CEACAM18: variants seen among roughly 807,000 people sequenced by gnomAD.
CEACAM18 encodes the protein CEA cell adhesion molecule 18.
Under a neutral mutation model 34.3 loss-of-function variants are expected in CEACAM18, and 33 were observed. The observed-to-expected ratio is 0.96, with a 90% CI of 0.73 to 1.29. The LOEUF (loss-of-function observed/expected upper bound fraction) is 1.29. Among genes scored for constraint, CEACAM18 ranks in the 50% most tolerant of loss-of-function variants. The probability of loss-of-function intolerance (pLI) is 0.00; values close to 1 mark genes in which losing one functional copy is unlikely to be tolerated. For synonymous variants in CEACAM18, 169 were observed against 180.9 expected, an observed-to-expected ratio of 0.93 and a Z score of 0.53; for missense variants, 474 against 485.0, an observed-to-expected ratio of 0.98 and a Z score of 0.21.
At chr19:51,481,342 T>G in intron 2 of CEACAM18, 51 bp from the exon 3 acceptor site, 1 of 1,077,012 alleles carries the variant, frequency 9.3e-7, no homozygotes, top group Non-Finnish European at 1.3e-6. Context: ...GAGCAGAGCT[T>G]GGGGAAGCAG....
At chr19:51,484,821 G>A (rs1315776908) in intron 4 of CEACAM18, 166 bp from the exon 5 acceptor site, 1 of 791,254 alleles carries the variant, frequency 1.3e-6, no homozygotes, top group East Asian at 2.7e-5. Context: ...TGGGTACAGG[G>A]AGTTTGTTTT....
chr19:51,483,246 C>G, exon 4 of CEACAM18: 1 of 1,614,016 alleles, frequency 6.2e-7, no homozygotes, highest in Non-Finnish European at 8.5e-7. Flanking sequence ...TGGAGAACCC[C>G]GTGACACAGC....
At chr19:51,490,843 G>C in exon 6 of CEACAM18, 2 of 388,854 alleles carry the variant, frequency 5.1e-6, no homozygotes, top group Non-Finnish European at 9.1e-6. Flanking sequence ...GGGTAGCGTG[G>C]CCATTGGGCG....
chr19:51,487,256 C>T (rs1043420958), intron 5 of CEACAM18, among the ~76,000 whole-genome samples: 16 of 152,126 alleles, frequency 1.1e-4, no homozygotes, highest in African/African-American at 3.4e-4. Context: ...AAGCAGATTA[C>T]TTGAGCCCAG....
At position 51,478,699 on chromosome 19, in the gene CEACAM18, G is replaced by A; in HGVS notation, c.52+5G>A. ...GGAGGAGGGTCTTCCTCATGGGTAA[G>A]AGATGCTGGATGCTGGATGAGCTTC... On this transcript the variant is annotated splice_donor_5th_base_variant and intron_variant, in intron 1 of 5. Coordinates refer to ENST00000396477, the Ensembl canonical transcript of CEACAM18. 1 of 1,445,578 alleles carries A rather than the reference G, an allele frequency of 6.9e-7. No individual in the cohort carries two copies. The highest frequency in any genetic ancestry group is 1.5e-5 in the South Asian group (1 of 66,078). The allele number at this position is 1,445,578 out of a possible 1,614,324, so 89.5% of individuals were successfully genotyped here. A position where few individuals can be genotyped will look rare whatever the true frequency, so the allele number is the denominator to read the frequency against.
chr19:51,479,719 GAGA>G (rs1173608882), intron 1 of CEACAM18, among the ~76,000 whole-genome samples: 3 of 152,314 alleles, frequency 2.0e-5, no homozygotes, highest in Admixed American at 2.0e-4. Flanking sequence ...GGAGAGGAGG[GAGA>G]AGGAGTCCCT....
At chr19:51,482,971 C>T (rs1479039378) in intron 3 of CEACAM18, 46 bp from the exon 4 acceptor site, 32 of 1,594,480 alleles carry the variant, frequency 2.0e-5, no homozygotes, top group African/African-American at 2.7e-5. Context: ...GACGGGACGC[C>T]GAGGGGTCAG....
At chr19:51,482,086 T>C (rs1989926759) in intron 3 of CEACAM18, among the ~76,000 whole-genome samples, 1 of 152,200 alleles carries the variant, frequency 6.6e-6, no homozygotes, top group Non-Finnish European at 1.5e-5. Context: ...TCCCTGTCAC[T>C]CTCTTTCACT....
chr19:51,481,604 C>A lies in CEACAM18; in HGVS notation c.612C>A (p.Cys204Ter). Residue 204 changes from cysteine to a stop codon, truncating the protein, a stop_gained, in exon 3 of 6, where the codon TGC (cysteine) becomes TGA (stop). Coordinates refer to ENST00000396477, the Ensembl canonical transcript of CEACAM18. LOFTEE classifies it high-confidence loss of function. ...GCCGCTATGACAGAACAATTCAGTGCATGATAGAGAGTTTCCCAGAGATCT... is the reference window on the plus strand; with the variant it reads ...GCCGCTATGACAGAACAATTCAGTGAATGATAGAGAGTTTCCCAGAGATCT... 6.2e-7 allele frequency: 1 copy of A among 1,614,024 alleles called. No homozygotes were observed. The highest frequency in any genetic ancestry group is 8.5e-7 in the Non-Finnish European group (1 of 1,179,874).
chr19:51,481,662 G>A, exon 3 of CEACAM18: 1 of 1,609,988 alleles, frequency 6.2e-7, no homozygotes, highest in Non-Finnish European at 8.5e-7. Context: ...TCTGACTGTG[G>A]CCTGTGAGTG....
At chr19:51,480,461 T>C (rs1461609968) in exon 2 of CEACAM18, 2 of 1,613,748 alleles carry the variant, frequency 1.2e-6, no homozygotes, top group Non-Finnish European at 1.7e-6. Flanking sequence ...GGAATACAGC[T>C]GGTACTGGGG....
In CEACAM18 at chr19:51,484,887, A is replaced by G; in HGVS notation, c.954-100A>G. ...AGTGCTTTGCTGATAATAGATGTTG[A>G]CAAATCTTTGAAGAATGGATATGTG... On this transcript the variant is annotated intron_variant, in intron 4 of 5. Coordinates refer to ENST00000396477, the Ensembl canonical transcript of CEACAM18. 11 of 1,419,162 alleles carry G rather than the reference A, an allele frequency of 7.8e-6. 1 individual carries two copies. The South Asian group carries it at 1.4e-4, about 18-fold the overall frequency. The allele number at this position is 1,419,162 out of a possible 1,614,324, so 87.9% of individuals were successfully genotyped here.
intron 1 of CEACAM18, among the ~76,000 whole-genome samples, chr19:51,479,097 T>TC (rs1989863611): frequency 1.4e-5 from 2 of 139,706 alleles, no homozygotes; most frequent in East Asian, 4.5e-4. Flanking sequence ...CCCCATCCCC[T>TC]CCCCCACCTC....
chr19:51,488,570 T>C (rs1186974150), intron 5 of CEACAM18, among the ~76,000 whole-genome samples: 1 of 152,186 alleles, frequency 6.6e-6, no homozygotes, highest in East Asian at 1.9e-4. Flanking sequence ...GTCTTGGAAA[T>C]GCAGGGTTGT....
exon 3 of CEACAM18, chr19:51,481,417 C>T: frequency 6.2e-7 from 1 of 1,613,940 alleles, no homozygotes; most frequent in Admixed American, 1.7e-5. Flanking sequence ...CTGGGCATCT[C>T]CGTCAATGCC....
At chr19:51,488,101 C>T (rs1568525879) in intron 5 of CEACAM18, among the ~76,000 whole-genome samples, 1 of 152,170 alleles carries the variant, frequency 6.6e-6, no homozygotes. Flanking sequence ...CTGTCCCTCA[C>T]CCCAACCCCA....
At chr19:51,480,807 T>C (rs1989901926) in intron 2 of CEACAM18, 127 bp downstream of exon 2, 4 of 835,180 alleles carry the variant, frequency 4.8e-6, no homozygotes, top group Admixed American at 2.8e-5. Context: ...GAATCTTGTG[T>C]ACCATGGACA....
intron 5 of CEACAM18, among the ~76,000 whole-genome samples, chr19:51,486,099 GTGATGGTGA>G (rs1295279686): frequency 7.2e-5 from 11 of 152,220 alleles, no homozygotes; most frequent in South Asian, 4.1e-4. Context: ...TGGCATTATT[GTGATGGTGA>G]TGATGGTGAT....
exon 5 of CEACAM18, chr19:51,485,050 T>G (rs1331503343): frequency 1.3e-6 from 2 of 1,536,036 alleles, no homozygotes; most frequent in Admixed American, 3.9e-5. Flanking sequence ...TTCCTCATCA[T>G]GCTGACAGTG....
Sources: allele counts gnomAD v4.1 joint callset (sites outside exome capture counted in the v4.1 genomes callset), GRCh38; gene constraint gnomAD v4.1.1; transcripts MANE v1.5; gene names NCBI Gene and HGNC (gene_info 2026-07-23, HGNC 2026-07-21).